LRRTM4: variants seen among roughly 807,000 people sequenced by gnomAD.
LRRTM4 encodes the protein leucine-rich repeat transmembrane neuronal protein 4.
In LRRTM4, 25 loss-of-function variants were observed where a neutral mutation model predicts 47.6. That is an observed-to-expected ratio of 0.53 (90% CI 0.38 to 0.73). The LOEUF (loss-of-function observed/expected upper bound fraction) is 0.73. LRRTM4 is among the 30% of genes least tolerant of loss of function. The pLI is 0.00. For synonymous variants in LRRTM4, 311 were observed against 269.5 expected (o/e 1.15, Z -1.51); for missense variants, 638 against 713.4 (o/e 0.89, Z 1.20).
In LRRTM4 at chr2:76,996,249, T is replaced by C. The variant is rs1459621053; in HGVS notation, c.1552-247333A>G. 2.0e-5 allele frequency among the ~76,000 whole-genome samples: 3 copies of C among 152,086 alleles called. No individual in the cohort carries two copies. In the East Asian group the frequency reaches 5.8e-4, roughly 29 times the overall value. ...TCTTAGATAATGTAACTTAGATCAA[T>C]TTTGTTGATTTAGAGAAATATGATA... On this transcript the variant is annotated intron_variant, in intron 3 of 3. Coordinates refer to ENST00000409884, the MANE Select transcript of LRRTM4 (RefSeq NM_001134745.3).
At chr2:77,226,044 TAA>T (rs1421997814) in intron 3 of LRRTM4, among the ~76,000 whole-genome samples, 1 of 151,624 alleles carries the variant, frequency 6.6e-6, no homozygotes, top group African/African-American at 2.4e-5. Context: ...CTAAAATGTA[TAA>T]AGTTATATAT....
At chr2:76,819,063 C>G (rs895559423) in intron 3 of LRRTM4, among the ~76,000 whole-genome samples, 1 of 151,664 alleles carries the variant, frequency 6.6e-6, no homozygotes, top group Non-Finnish European at 1.5e-5. Flanking sequence ...AAGTAATATT[C>G]CGTGTCTAAA....
chr2:76,981,673 T>G (rs1233645325), intron 3 of LRRTM4, among the ~76,000 whole-genome samples: 1 of 151,904 alleles, frequency 6.6e-6, no homozygotes, highest in Non-Finnish European at 1.5e-5. Context: ...CTAAATTTTT[T>G]GCAGAGAAGG....
chr2:77,310,763 C>A (rs1677429641), intron 3 of LRRTM4, among the ~76,000 whole-genome samples: 1 of 152,130 alleles, frequency 6.6e-6, no homozygotes, highest in South Asian at 2.1e-4. Context: ...GTGTCAATAC[C>A]TGTACAGACT....
chr2:77,013,647 A>G (rs897763403), intron 3 of LRRTM4, among the ~76,000 whole-genome samples: 1 of 152,218 alleles, frequency 6.6e-6, no homozygotes, highest in African/African-American at 2.4e-5. Context: ...AGTGGAAGCA[A>G]CAAGGGCAGA....
At chr2:77,184,917 T>G (rs1673457294) in intron 3 of LRRTM4, among the ~76,000 whole-genome samples, 1 of 152,154 alleles carries the variant, frequency 6.6e-6, no homozygotes, top group South Asian at 2.1e-4. Flanking sequence ...TGTTCTTTAT[T>G]TTCATGTGGA....
chr2:76,930,534 C>T (rs1042490949), intron 3 of LRRTM4, among the ~76,000 whole-genome samples: 4 of 152,144 alleles, frequency 2.6e-5, no homozygotes, highest in Non-Finnish European at 5.9e-5. Flanking sequence ...CTGATGGCAC[C>T]ATCTGCTTTC....
chr2:77,235,390 G>A (rs1431670599), intron 3 of LRRTM4, among the ~76,000 whole-genome samples: 1 of 151,954 alleles, frequency 6.6e-6, no homozygotes, highest in Admixed American at 6.6e-5. Context: ...TTTGGTTTTT[G>A]CTTGTTAATT....
intron 3 of LRRTM4, among the ~76,000 whole-genome samples, chr2:76,893,963 CAT>C (rs1673331039): frequency 6.6e-6 from 1 of 151,836 alleles, no homozygotes; most frequent in African/African-American, 2.4e-5. Flanking sequence ...AGATATATCA[CAT>C]GAGGATAAGT....
intron 3 of LRRTM4, among the ~76,000 whole-genome samples, chr2:77,486,432 GTAATA>G (rs1677912184): frequency 6.6e-6 from 1 of 152,094 alleles, no homozygotes. Context: ...GGAATGTAAT[GTAATA>G]TAAGAAACTG....
chr2:77,136,240 T>C (rs919839895), intron 3 of LRRTM4, among the ~76,000 whole-genome samples: 2 of 152,170 alleles, frequency 1.3e-5, no homozygotes, highest in African/African-American at 2.4e-5. Flanking sequence ...TAGGGGCAGA[T>C]TGACACCTCA....
chr2:76,999,744 G>A (rs924537705), intron 3 of LRRTM4, among the ~76,000 whole-genome samples: 19 of 151,894 alleles, frequency 1.3e-4, no homozygotes, highest in African/African-American at 2.9e-4. Context: ...TGTCTTTCAC[G>A]GCACACAGTT....
At chr2:77,089,641 C>T (rs1305930576) in intron 3 of LRRTM4, among the ~76,000 whole-genome samples, 2,548 of 122,326 alleles carry the variant, frequency 0.021, no homozygotes, top group African/African-American at 0.055. Context: ...CTATGGGAAC[C>T]TTCCACCCTC....
chr2:76,997,640 A>G (rs763216299), intron 3 of LRRTM4, among the ~76,000 whole-genome samples: 4 of 152,156 alleles, frequency 2.6e-5, no homozygotes, highest in Non-Finnish European at 5.9e-5. Context: ...ATTTAAGAAT[A>G]TGTGGTTGGT....
chr2:76,773,896 C>G (rs1045064330), intron 3 of LRRTM4, among the ~76,000 whole-genome samples: 6 of 151,386 alleles, frequency 4.0e-5, no homozygotes, highest in African/African-American at 1.5e-4. Context: ...CCTGGTATAA[C>G]ATATTTCCAG....
intron 3 of LRRTM4, among the ~76,000 whole-genome samples, chr2:76,862,965 C>G (rs1672362729): frequency 6.6e-6 from 1 of 152,168 alleles, no homozygotes; most frequent in Admixed American, 6.6e-5. Flanking sequence ...GATTATGTTT[C>G]TACCCTCCGA....
intron 3 of LRRTM4, among the ~76,000 whole-genome samples, chr2:76,926,770 C>G (rs1374529681): frequency 6.6e-6 from 1 of 152,118 alleles, no homozygotes; most frequent in Admixed American, 6.6e-5. Context: ...GCCTCCAGAA[C>G]TGTAAGCAAG....
Position 77,465,889 on chromosome 2 carries a change from A to ATTATTTG in LRRTM4, c.1551+52428_1551+52429insCAAATAA, listed in dbSNP as rs1315432424. ...CACTGATTAGATTCCTATTACAGAAAAATACATACAGGGAGCTGGCACCTA... is the reference window on the plus strand; with the variant it reads ...CACTGATTAGATTCCTATTACAGAAATTATTTGAATACATACAGGGAGCTGGCACCTA... On this transcript the variant is annotated intron_variant, in intron 3 of 3. Coordinates refer to ENST00000409884, the MANE Select transcript of LRRTM4 (RefSeq NM_001134745.3). Among the ~76,000 whole-genome samples, 1,202 of 152,250 alleles carry ATTATTTG rather than the reference A, an allele frequency of 7.9e-3. 5 individuals carry two copies. Among genetic ancestry groups the ATTATTTG allele is most frequent in the Non-Finnish European group, 0.012 (787 of 67,996 alleles).
chr2:77,045,959 A>G (rs1410758445), intron 3 of LRRTM4, among the ~76,000 whole-genome samples: 2 of 151,974 alleles, frequency 1.3e-5, no homozygotes, highest in Admixed American at 1.3e-4. Flanking sequence ...TCTCTTAAGA[A>G]GTACATTTAA....
Sources: gnomAD v4.1 joint callset for allele counts (sites outside exome capture counted in the v4.1 genomes callset) on GRCh38, gnomAD v4.1.1 for gene constraint, MANE v1.5 for transcripts, NCBI Gene and HGNC (gene_info 2026-07-23, HGNC 2026-07-21) for gene names.